Variants in CBFA2T2 observed in about 807,000 individuals in gnomAD.
CBFA2T2 encodes the protein CBFA2/RUNX1 partner transcriptional co-repressor 2.
Under a neutral mutation model 62.2 loss-of-function variants are expected in CBFA2T2, and 11 were observed. The ratio of observed to expected loss-of-function variants is 0.18; its 90% CI spans 0.11 to 0.29. CBFA2T2 has a LOEUF of 0.29. Among genes scored for constraint, CBFA2T2 ranks in the 10% least tolerant of loss-of-function variants. The pLI, the probability that CBFA2T2 is intolerant of heterozygous loss-of-function variation, is 1.00. For missense variants in CBFA2T2, 592 were observed against 774.1 expected (o/e 0.76, Z 2.79); for synonymous variants, 295 against 287.5 (o/e 1.03, Z -0.27).
At chr20:33,553,730 A>G (rs1156498163) in intron 1 of CBFA2T2, among the ~76,000 whole-genome samples, 5 of 152,236 alleles carry the variant, frequency 3.3e-5, no homozygotes, top group African/African-American at 9.6e-5. Flanking sequence ...GACTTCTACT[A>G]TAAATCATCA....
intron 1 of CBFA2T2, among the ~76,000 whole-genome samples, chr20:33,550,714 C>G (rs539724104): frequency 6.6e-6 from 1 of 151,910 alleles, no homozygotes; most frequent in African/African-American, 2.4e-5. Flanking sequence ...CCTCCGCTCC[C>G]GGGTTCAAGC....
intron 8 of CBFA2T2, among the ~76,000 whole-genome samples, chr20:33,632,042 G>T (rs1382222333): frequency 6.6e-6 from 1 of 152,078 alleles, no homozygotes; most frequent in Non-Finnish European, 1.5e-5. Flanking sequence ...TTGTTTGTTT[G>T]TTTGTTCGTT....
At chr20:33,525,736 C>T (rs1217676574) in intron 1 of CBFA2T2, among the ~76,000 whole-genome samples, 4 of 152,162 alleles carry the variant, frequency 2.6e-5, no homozygotes, top group East Asian at 1.9e-4. Context: ...ATCGCAGCCT[C>T]GACCACCTGG....
At chr20:33,537,278 A>T (rs1161515980) in intron 1 of CBFA2T2, among the ~76,000 whole-genome samples, 1 of 152,262 alleles carries the variant, frequency 6.6e-6, no homozygotes, top group African/African-American at 2.4e-5. Flanking sequence ...CGCGGTTAGG[A>T]GCTGGAGACC....
intron 1 of CBFA2T2, among the ~76,000 whole-genome samples, chr20:33,517,111 C>T (rs941718797): frequency 6.6e-6 from 1 of 152,262 alleles, no homozygotes; most frequent in East Asian, 1.9e-4. Flanking sequence ...TCAGAAAGTG[C>T]AGAGTCATCC....
At chr20:33,542,755 T>G (rs904451396) in intron 1 of CBFA2T2, among the ~76,000 whole-genome samples, 2 of 151,992 alleles carry the variant, frequency 1.3e-5, no homozygotes, top group Non-Finnish European at 2.9e-5. Flanking sequence ...CATTGCAACC[T>G]CCTCCTCCCA....
intron 4 of CBFA2T2, among the ~76,000 whole-genome samples, chr20:33,622,808 T>A (rs752568178): frequency 5.3e-5 from 8 of 152,356 alleles, no homozygotes; most frequent in Non-Finnish European, 1.2e-4. Flanking sequence ...CAGAAGCGTA[T>A]GTTTTAAAAT....
At chr20:33,637,005 AAC>A (rs2016657130) in intron 9 of CBFA2T2, among the ~76,000 whole-genome samples, 1 of 152,332 alleles carries the variant, frequency 6.6e-6, no homozygotes, top group Non-Finnish European at 1.5e-5. Context: ...CTGGGCTTGC[AAC>A]AGAGTTCATT....
At chr20:33,529,757 A>T (rs398040655) in intron 1 of CBFA2T2, among the ~76,000 whole-genome samples, 7 of 8,602 alleles carry the variant, frequency 8.1e-4, no homozygotes, top group Non-Finnish European at 5.2e-3. Context: ...ATATATATAT[A>T]TATATATATA....
intron 1 of CBFA2T2, among the ~76,000 whole-genome samples, chr20:33,517,432 G>T (rs986739367): frequency 2.0e-5 from 3 of 147,380 alleles, no homozygotes; most frequent in East Asian, 2.0e-4. Flanking sequence ...CATAGGACTG[G>T]TTTTTTTGGT....
At chr20:33,546,939 G>T (rs2012589030) in intron 1 of CBFA2T2, among the ~76,000 whole-genome samples, 1 of 152,172 alleles carries the variant, frequency 6.6e-6, no homozygotes, top group African/African-American at 2.4e-5. Context: ...AGTGGCTCAT[G>T]CCTGTAATCC....
chr20:33,617,436 T>G (rs933245890), intron 3 of CBFA2T2, among the ~76,000 whole-genome samples: 3 of 152,184 alleles, frequency 2.0e-5, no homozygotes. Context: ...GGAAGGTGTT[T>G]ATCCCTCTCA....
At chr20:33,600,599 T>A in intron 1 of CBFA2T2, 1 of 286,864 alleles carries the variant, frequency 3.5e-6, no homozygotes. Flanking sequence ...TTCCTTCAGC[T>A]GTGATACCAC....
chr20:33,644,307 T>C (rs1271828275), intron 10 of CBFA2T2, 40 bp from the exon 11 acceptor site: 2 of 1,581,788 alleles, frequency 1.3e-6, no homozygotes, highest in Non-Finnish European at 1.7e-6. Flanking sequence ...AGCCTGCCCC[T>C]CAATCCCAGC....
At chr20:33,558,217 C>T (rs1297756164) in intron 1 of CBFA2T2, among the ~76,000 whole-genome samples, 2 of 151,950 alleles carry the variant, frequency 1.3e-5, no homozygotes, top group Non-Finnish European at 2.9e-5. Context: ...CTGCAACCTC[C>T]GCCTCCCAAA....
chr20:33,548,774 A>G (rs1030972848), intron 1 of CBFA2T2, among the ~76,000 whole-genome samples: 3 of 152,148 alleles, frequency 2.0e-5, no homozygotes, highest in Admixed American at 1.3e-4. Flanking sequence ...TGGGCAACAT[A>G]GTGAAACCCT....
At chr20:33,518,097 T>C (rs1337904585) in intron 1 of CBFA2T2, among the ~76,000 whole-genome samples, 1 of 152,006 alleles carries the variant, frequency 6.6e-6, no homozygotes, top group Non-Finnish European at 1.5e-5. Flanking sequence ...TACAGGCACG[T>C]GCAACCATGC....
chr20:33,502,858 A>AG (rs1350862039), intron 1 of CBFA2T2, among the ~76,000 whole-genome samples: 3 of 150,098 alleles, frequency 2.0e-5, no homozygotes, highest in Admixed American at 6.6e-5. Context: ...TGGGAGGCCG[A>AG]GGGGGGCGGA....
chr20:33,625,946 C>G (rs1223559222), intron 6 of CBFA2T2, among the ~76,000 whole-genome samples: 1 of 152,044 alleles, frequency 6.6e-6, no homozygotes, highest in Non-Finnish European at 1.5e-5. Context: ...ACTAAAAATA[C>G]AAAAACTTAG....
Sources: allele counts gnomAD v4.1 joint callset (sites outside exome capture counted in the v4.1 genomes callset), GRCh38; gene constraint gnomAD v4.1.1; transcripts MANE v1.5; gene names NCBI Gene and HGNC (gene_info 2026-07-23, HGNC 2026-07-21).